TRIQK: variants seen among roughly 807,000 people sequenced by gnomAD.
TRIQK encodes triple QxxK/R motif containing.
Under a neutral mutation model 10.8 loss-of-function variants are expected in TRIQK, and 10 were observed. That is an observed-to-expected ratio of 0.92 (90% CI 0.57 to 1.57). The LOEUF (loss-of-function observed/expected upper bound fraction) is 1.57. Ranked by LOEUF, TRIQK falls within the 40% of genes most tolerant of loss-of-function variation. TRIQK has a pLI of 0.00. For synonymous variants in TRIQK, 33 were observed against 33.7 expected (o/e 0.98, Z 0.07); for missense variants, 107 against 97.7 (o/e 1.09, Z -0.40).
At chr8:92,944,893 T>A (rs1014229433) in intron 2 of TRIQK, among the ~76,000 whole-genome samples, 2 of 152,184 alleles carry the variant, frequency 1.3e-5, no homozygotes, top group African/African-American at 4.8e-5. Flanking sequence ...TATAAGGTGA[T>A]GGATATGCCG....
At chr8:92,932,387 T>C (rs1302449303) in intron 2 of TRIQK, among the ~76,000 whole-genome samples, 1 of 152,198 alleles carries the variant, frequency 6.6e-6, no homozygotes, top group Non-Finnish European at 1.5e-5. Flanking sequence ...ACCTTTTTTG[T>C]TTGTTTTAAC....
At chr8:92,890,244 C>A in intron 4 of TRIQK, among the ~76,000 whole-genome samples, 1 of 151,760 alleles carries the variant, frequency 6.6e-6, no homozygotes, top group Admixed American at 6.6e-5. Flanking sequence ...GGTTCTGATT[C>A]TAAAAAGTTT....
chr8:92,966,975 G>T, upstream of TRIQK, among the ~76,000 whole-genome samples: 1 of 7,950 alleles, frequency 1.3e-4, no homozygotes, highest in African/African-American at 8.4e-4. Flanking sequence ...AAAGAAAGTA[G>T]CATACAAAAA....
intron 1 of TRIQK, among the ~76,000 whole-genome samples, chr8:92,976,594 C>G (rs1812933681): frequency 6.6e-6 from 1 of 151,914 alleles, no homozygotes; most frequent in South Asian, 2.1e-4. Context: ...AATTTGACTA[C>G]ATCTGCCTTG....
At chr8:92,897,132 G>A (rs1334843905) in intron 3 of TRIQK, among the ~76,000 whole-genome samples, 1 of 152,060 alleles carries the variant, frequency 6.6e-6, no homozygotes, top group Non-Finnish European at 1.5e-5. Flanking sequence ...ATTGTACTTT[G>A]GAAGTAGATA....
At chr8:92,908,743 A>T (rs1328034472) in intron 3 of TRIQK, among the ~76,000 whole-genome samples, 1 of 152,090 alleles carries the variant, frequency 6.6e-6, no homozygotes. Flanking sequence ...CAGAGAGATA[A>T]GAGTCAAAAT....
chr8:93,001,884 G>A (rs1813214579), intron 1 of TRIQK, among the ~76,000 whole-genome samples: 1 of 152,084 alleles, frequency 6.6e-6, no homozygotes, highest in Admixed American at 6.5e-5. Flanking sequence ...ATATGTTAGG[G>A]CACAAAACAA....
chr8:92,928,432 G>A (rs1810554919), intron 2 of TRIQK, among the ~76,000 whole-genome samples: 1 of 152,130 alleles, frequency 6.6e-6, no homozygotes, highest in African/African-American at 2.4e-5. Context: ...GTCCAGATCA[G>A]TATTTGTCAA....
rs562189543 is a variant in TRIQK, at chr8:92,886,992, G to A, written c.148-257C>T. On this transcript the variant is annotated intron_variant, in intron 4 of 4. Transcript: ENST00000521988. ...CTAGCTAATTTGTTTTTTCCTTATAGTAATATTAAAAATGTATCATTTTAA... is the reference window on the plus strand; with the variant it reads ...CTAGCTAATTTGTTTTTTCCTTATAATAATATTAAAAATGTATCATTTTAA... The A allele has an allele frequency of 7.0e-4, 162 of 229,946 alleles. 1 individual carries two copies. Among genetic ancestry groups the A allele is most frequent in the Middle Eastern group, 6.2e-3 (4 of 650 alleles). The allele number at this position is 229,946 out of a possible 1,614,324, so 14.2% of individuals were successfully genotyped here.
rs1236074648 is a variant in TRIQK, at chr8:92,909,555, GC to G, written c.61+7373del. Among the ~76,000 whole-genome samples, 5 of 151,802 alleles carry G rather than the reference GC, an allele frequency of 3.3e-5. No individual in the cohort carries two copies. In the South Asian group the frequency reaches 1.0e-3, roughly 31 times the overall value. On this transcript the variant is annotated intron_variant, in intron 3 of 4. Transcript: ENST00000521988. ...TTCAAACCAATGATAATTTTTCAAT[GC>G]TTGGACATAACAGCTTGTCATGCAT...
chr8:92,909,469 T>A (rs1809456245), intron 3 of TRIQK, among the ~76,000 whole-genome samples: 1 of 151,854 alleles, frequency 6.6e-6, no homozygotes, highest in African/African-American at 2.4e-5. Flanking sequence ...GGCTGGTAAA[T>A]TCATCATTGA....
intron 1 of TRIQK, among the ~76,000 whole-genome samples, chr8:92,962,906 A>G (rs1317035596): frequency 6.6e-6 from 1 of 152,202 alleles, no homozygotes; most frequent in Non-Finnish European, 1.5e-5. Flanking sequence ...AAAAGGGGAT[A>G]GGAAGTACTA....
intron 2 of TRIQK, chr8:92,954,150 T>A (rs1472006149): frequency 6.6e-6 from 1 of 151,946 alleles, no homozygotes; most frequent in Non-Finnish European, 1.5e-5. Context: ...ATACTAAATA[T>A]TTAACAAATA....
chr8:92,899,236 C>T (rs1808792002), intron 3 of TRIQK, among the ~76,000 whole-genome samples: 1 of 151,930 alleles, frequency 6.6e-6, no homozygotes, highest in Non-Finnish European at 1.5e-5. Context: ...CCCACCTTAG[C>T]CTCCCAAATC....
upstream of TRIQK, among the ~76,000 whole-genome samples, chr8:92,968,562 GC>G (rs1812840427): frequency 2.6e-5 from 4 of 152,138 alleles, no homozygotes; most frequent in South Asian, 2.1e-4. Context: ...GTGATAATGA[GC>G]TTTTTTTATA....
At chr8:92,977,197 A>G (rs1350436875) in intron 1 of TRIQK, among the ~76,000 whole-genome samples, 2 of 151,910 alleles carry the variant, frequency 1.3e-5, no homozygotes, top group East Asian at 3.9e-4. Flanking sequence ...CACCTTTTGT[A>G]TGTCTAAATA....
chr8:92,884,956 G>A lies in TRIQK; in HGVS notation c.*1666C>T, dbSNP rs774094544. 3 of 455,922 alleles carry A rather than the reference G, an allele frequency of 6.6e-6. No homozygotes were observed. The highest frequency in any genetic ancestry group is 1.3e-5 in the Non-Finnish European group (3 of 226,712). 28.2% of individuals were successfully genotyped at this position (455,922 alleles called of 1,614,324 possible). A position where few individuals can be genotyped will look rare whatever the true frequency, so the allele number is the denominator to read the frequency against. ...GATATTCCCTTGCCACCCACTTGAC[G>A]AACAGACATACCACATGGCATTAAA... On this transcript the variant is annotated 3_prime_UTR_variant, in exon 5 of 5. Coordinates refer to ENST00000521988, the MANE Select transcript of TRIQK (RefSeq NM_001171797.2).
intron 3 of TRIQK, among the ~76,000 whole-genome samples, chr8:92,902,160 T>C (rs1354695691): frequency 1.3e-5 from 2 of 152,122 alleles, no homozygotes; most frequent in Non-Finnish European, 2.9e-5. Flanking sequence ...TGCCAAGGAA[T>C]TGCAGTCCTT....
At chr8:92,969,644 AG>A (rs1369266249), upstream of TRIQK, among the ~76,000 whole-genome samples, 15 of 151,842 alleles carry the variant, frequency 9.9e-5, no homozygotes, top group Admixed American at 3.9e-4. Flanking sequence ...CAGAATGTGC[AG>A]ATTTGTTACT....
Sources: gnomAD v4.1 joint callset for allele counts (sites outside exome capture counted in the v4.1 genomes callset) on GRCh38, gnomAD v4.1.1 for gene constraint, MANE v1.5 for transcripts, NCBI Gene and HGNC (gene_info 2026-07-23, HGNC 2026-07-21) for gene names.